DUSP22: variants seen among roughly 807,000 people sequenced by gnomAD.
DUSP22 encodes the protein dual specificity phosphatase 22.
DUSP22 carries 24 observed loss-of-function variants against 24.5 expected under a neutral mutation model. That is an observed-to-expected ratio of 0.98 (90% CI 0.71 to 1.38). The LOEUF (loss-of-function observed/expected upper bound fraction) is 1.38. DUSP22 is among the 40% of genes most tolerant of loss of function. The pLI is 0.00. For synonymous variants in DUSP22, 160 were observed against 106.4 expected (o/e 1.50, Z -3.10); for missense variants, 330 against 269.2 (o/e 1.23, Z -1.58).
At chr6:304,463 A>G (rs1303814655) in intron 1 of DUSP22, among the ~76,000 whole-genome samples, 165 bp from the exon 2 acceptor site, 2 of 152,304 alleles carry the variant, frequency 1.3e-5, no homozygotes, top group African/African-American at 4.8e-5. Flanking sequence ...ACGGCCTTCC[A>G]CAGGCCGCTG....
intron 5 of DUSP22, 86 bp downstream of exon 5, chr6:346,014 G>T (rs1231268543): frequency 2.0e-6 from 3 of 1,519,972 alleles, no homozygotes; most frequent in Non-Finnish European, 2.7e-6. Flanking sequence ...TGTGAATAAT[G>T]GTTTCACCTC....
chr6:302,889 A>T (rs1306146807), intron 1 of DUSP22, among the ~76,000 whole-genome samples: 1 of 152,304 alleles, frequency 6.6e-6, no homozygotes, highest in Non-Finnish European at 1.5e-5. Context: ...GTGGAATACC[A>T]CTCAGGGGAA....
At chr6:316,280 CT>C (rs146820919) in intron 3 of DUSP22, among the ~76,000 whole-genome samples, 10,946 of 149,452 alleles carry the variant, frequency 0.073, 37 homozygotes, top group Non-Finnish European at 0.11. Context: ...CAGGACTACA[CT>C]TTTGGTATCA....
intron 1 of DUSP22, among the ~76,000 whole-genome samples, chr6:293,306 T>A (rs1445278165): frequency 6.6e-6 from 1 of 152,294 alleles, no homozygotes; most frequent in Non-Finnish European, 1.5e-5. Context: ...GTTGCCAGAT[T>A]CCAGCTCTGG....
intron 6 of DUSP22, 56 bp from the exon 7 acceptor site, chr6:348,713 T>A (rs1760007084): frequency 1.9e-6 from 3 of 1,607,394 alleles, no homozygotes; most frequent in South Asian, 2.2e-5. Flanking sequence ...CAAGCCCACG[T>A]GGATGCAGAC....
rs913632454 is a variant in DUSP22 at position 349,495 on chromosome 6, G to C, written c.*544G>C. The C allele has an allele frequency of 7.0e-6, 7 of 997,394 alleles. No homozygotes were observed. The South Asian group carries it at 1.3e-4, about 19-fold the overall frequency. The allele number at this position is 997,394 out of a possible 1,614,324, so 61.8% of individuals were successfully genotyped here. On this transcript the variant is annotated 3_prime_UTR_variant, in exon 7 of 7. Coordinates refer to ENST00000419235, the MANE Select transcript of DUSP22 (RefSeq NM_001286555.3). ...CCAGCAAAGAGCAGTCTGTGCCTCTGAGCAGACCGTGAGAACTCAGGGGAC... is the reference window on the plus strand; with the variant it reads ...CCAGCAAAGAGCAGTCTGTGCCTCTCAGCAGACCGTGAGAACTCAGGGGAC...
At chr6:303,835 T>G (rs577376548) in intron 1 of DUSP22, among the ~76,000 whole-genome samples, 2 of 152,420 alleles carry the variant, frequency 1.3e-5, no homozygotes, top group East Asian at 3.9e-4. Context: ...TGCTAAATCA[T>G]TCCATGCGGG....
chr6:331,005 A>G (rs1159622401), intron 3 of DUSP22, among the ~76,000 whole-genome samples: 2 of 152,300 alleles, frequency 1.3e-5, no homozygotes, highest in Non-Finnish European at 2.9e-5. Context: ...CTCTCCTGGT[A>G]CTCACTTCGT....
chr6:326,930 T>G (rs1292609884), intron 3 of DUSP22, among the ~76,000 whole-genome samples: 1 of 152,300 alleles, frequency 6.6e-6, no homozygotes, highest in African/African-American at 2.4e-5. Flanking sequence ...TCAGAATGAC[T>G]TTGTGCAATG....
At chr6:315,940 C>T (rs893037729) in intron 3 of DUSP22, among the ~76,000 whole-genome samples, 1 of 152,298 alleles carries the variant, frequency 6.6e-6, no homozygotes, top group African/African-American at 2.4e-5. Context: ...TGGCTTGGAG[C>T]AGGTGGCAAA....
Position 350,841 on chromosome 6 carries a change from G to C in DUSP22, c.*1890G>C. The C allele has an allele frequency of 1.9e-6, 3 of 1,614,278 alleles. No individual in the cohort carries two copies. Among genetic ancestry groups the C allele is most frequent in the Non-Finnish European group, 2.5e-6 (3 of 1,180,030 alleles). On this transcript the variant is annotated 3_prime_UTR_variant, in exon 7 of 7. Coordinates refer to ENST00000419235, the MANE Select transcript of DUSP22 (RefSeq NM_001286555.3). ...TCACAGCCGCTCCGGGAATTCTGAA[G>C]TTCTGGGCCTTTCTCAGAAGACTGT...
chr6:318,768 C>T lies in DUSP22; in HGVS notation c.138+6806C>T, dbSNP rs932914528. ...TCAAGTGTGCAGCCATTCATGGCAG[C>T]GCTGTTTGTAATGGCAACAAATTGG... On this transcript the variant is annotated intron_variant, in intron 3 of 6. Transcript: ENST00000419235. 5.3e-5 allele frequency among the ~76,000 whole-genome samples: 8 copies of T among 152,304 alleles called. No individual in the cohort carries two copies. The South Asian group carries it at 6.2e-4, about 12-fold the overall frequency.
chr6:335,058 TC>T, intron 3 of DUSP22, 55 bp from the exon 4 acceptor site: 2 of 1,577,350 alleles, frequency 1.3e-6, no homozygotes, highest in Non-Finnish European at 1.7e-6. Flanking sequence ...TAAATACTTT[TC>T]TCCACTGAGT....
Position 349,324 on chromosome 6 carries a change from G to A in DUSP22, c.*373G>A. On this transcript the variant is annotated 3_prime_UTR_variant, in exon 7 of 7. Coordinates refer to ENST00000419235, the MANE Select transcript of DUSP22 (RefSeq NM_001286555.3). ...GTGTGTATGTTGTGAAAGTGTCTGT[G>A]CACATGAATGTTTGTGTGTGTGTGA... is the stretch of plus-strand genomic sequence containing the variant. 2.7e-6 allele frequency: 3 copies of A among 1,095,290 alleles called. No individual in the cohort carries two copies. The highest frequency in any genetic ancestry group is 3.3e-6 in the Non-Finnish European group (3 of 898,122). The allele number at this position is 1,095,290 out of a possible 1,614,324, so 67.8% of individuals were successfully genotyped here. A position where few individuals can be genotyped will look rare whatever the true frequency, so the allele number is the denominator to read the frequency against.
At chr6:323,999 G>T (rs1209769699) in intron 3 of DUSP22, among the ~76,000 whole-genome samples, 2 of 152,420 alleles carry the variant, frequency 1.3e-5, no homozygotes, top group African/African-American at 2.4e-5. Context: ...AAGAAGAAAA[G>T]ATCTCATAAC....
In DUSP22 at chr6:345,911, G is replaced by C. The variant is rs3823302; in HGVS notation, c.246G>C (p.Glu82Asp). 2.0e-5 allele frequency: 32 copies of C among 1,614,240 alleles called. No homozygotes were observed. The East Asian group carries it at 7.1e-4, about 36-fold the overall frequency. Residue 82 changes from glutamate to aspartate, a missense_variant, in exon 5 of 7, where the codon GAG becomes GAC. By Grantham distance (45) the Glu-to-Asp change is conservative (BLOSUM62 2). Coordinates refer to ENST00000419235, the MANE Select transcript of DUSP22 (RefSeq NM_001286555.3). ...TTCACGAGTGCCGGCTCCGCGGTGA[G>C]AGCTGCCTTGTACACTGGTACGTGT... ...KFIHECRLRG[E>D]SCLVHCLAGV...
chr6:336,241 A>G (rs1033784304), intron 4 of DUSP22, among the ~76,000 whole-genome samples: 1 of 152,310 alleles, frequency 6.6e-6, no homozygotes, highest in African/African-American at 2.4e-5. Flanking sequence ...TATATGCCAC[A>G]GGTCAAAGAC....
At chr6:335,419 G>A (rs1406322978) in intron 4 of DUSP22, among the ~76,000 whole-genome samples, 2 of 152,304 alleles carry the variant, frequency 1.3e-5, no homozygotes, top group Non-Finnish European at 2.9e-5. Context: ...AGGGTCTGAT[G>A]TTTACAAAGG....
In DUSP22 at chr6:330,230, G is replaced by A. The variant is rs573952647; in HGVS notation, c.139-4884G>A. 3.4e-4 allele frequency among the ~76,000 whole-genome samples: 52 copies of A among 152,412 alleles called. No homozygotes were observed. The East Asian group carries it at 7.3e-3, about 21-fold the overall frequency. On this transcript the variant is annotated intron_variant, in intron 3 of 6. Transcript: ENST00000419235. ...CATGTTTATTAGCAGCCAAAATGACGTTTCCATTGCGTGGTTTCCTGATCC... is the reference window on the plus strand; with the variant it reads ...CATGTTTATTAGCAGCCAAAATGACATTTCCATTGCGTGGTTTCCTGATCC...
Sources: gnomAD v4.1 joint callset for allele counts (sites outside exome capture counted in the v4.1 genomes callset) on GRCh38, gnomAD v4.1.1 for gene constraint, MANE v1.5 for transcripts, NCBI Gene and HGNC (gene_info 2026-07-23, HGNC 2026-07-21) for gene names.